CANX: variants seen among roughly 807,000 people sequenced by gnomAD.
CANX encodes the protein calnexin.
In CANX, 14 loss-of-function variants were observed where a neutral mutation model predicts 75.7. The observed-to-expected ratio is 0.19, with a 90% confidence interval of 0.12 to 0.29. The LOEUF is 0.29. Ranked by LOEUF, CANX falls within the 10% of genes least tolerant of loss-of-function variation. The probability of loss-of-function intolerance (pLI) is 1.00; values close to 1 mark genes in which losing one functional copy is unlikely to be tolerated. For synonymous variants in CANX, 227 were observed against 236.9 expected (o/e 0.96, Z 0.38); for missense variants, 567 against 713.2 (o/e 0.79, Z 2.34).
Position 179,727,939 on chromosome 5 carries a change from C to G in CANX, c.1726-652C>G, listed in dbSNP as rs540682688. Among the ~76,000 whole-genome samples, 15 of 152,254 alleles carry G rather than the reference C, an allele frequency of 9.9e-5. No homozygotes were observed. In the South Asian group the frequency reaches 3.1e-3, roughly 32 times the overall value. On this transcript the variant is annotated intron_variant, in intron 14 of 14. Transcript: ENST00000247461. ...CTCTGTGTCTAAATCTGGTCTCTCC[C>G]GGAAAGCTCTCCTCAGGTTTTACTT... is the stretch of plus-strand genomic sequence containing the variant.
intron 3 of CANX, among the ~76,000 whole-genome samples, chr5:179,706,571 G>A (rs1351296278): frequency 6.6e-6 from 1 of 152,158 alleles, no homozygotes; most frequent in Non-Finnish European, 1.5e-5. Context: ...AGCTTCCCAA[G>A]TAGCTGGGAT....
At chr5:179,688,186 T>G (rs1011028134) in intron 1 of CANX, among the ~76,000 whole-genome samples, 1 of 146,402 alleles carries the variant, frequency 6.8e-6, no homozygotes, top group Non-Finnish European at 1.5e-5. Flanking sequence ...GCCTCCCGAG[T>G]AGCTGGGACT....
intron 1 of CANX, among the ~76,000 whole-genome samples, chr5:179,692,714 C>T (rs528481163): frequency 1.1e-4 from 17 of 152,010 alleles, no homozygotes; most frequent in Non-Finnish European, 2.4e-4. Context: ...TAGGGTTTTG[C>T]CATGTTGCCC....
At position 179,679,135 on chromosome 5, in the gene CANX, T is replaced by G. The variant is rs1380839783; in HGVS notation, c.-4+358T>G. On this transcript the variant is annotated intron_variant, in intron 1 of 14. Coordinates refer to the CANX transcript ENST00000681674. ...GGCTCGTAGCCGAGCACTCGAAGGT[T>G]GCCAGGGCGTGGACCTTGTAGGGCA... 8 of 1,535,650 alleles carry G rather than the reference T, an allele frequency of 5.2e-6. No homozygotes were observed. In the East Asian group the frequency reaches 2.0e-4, roughly 38 times the overall value.
At chr5:179,727,953 C>T (rs1407709443) in intron 14 of CANX, among the ~76,000 whole-genome samples, 1 of 152,180 alleles carries the variant, frequency 6.6e-6, no homozygotes, top group African/African-American at 2.4e-5. Context: ...AAGCTCTCCT[C>T]AGGTTTTACT....
chr5:179,702,895 G>A (rs1776864334), intron 1 of CANX, among the ~76,000 whole-genome samples: 1 of 152,088 alleles, frequency 6.6e-6, no homozygotes, highest in African/African-American at 2.4e-5. Flanking sequence ...TCAGCCTCCT[G>A]AGTAACTGGG....
chr5:179,694,855 A>G (rs1351326253), upstream of CANX: 1 of 411,818 alleles, frequency 2.4e-6, no homozygotes, highest in South Asian at 2.5e-5. Flanking sequence ...TTCTCCTTCA[A>G]GCAAAAGGTA....
chr5:179,713,826 G>A (rs1055722114), intron 7 of CANX, among the ~76,000 whole-genome samples: 2 of 152,082 alleles, frequency 1.3e-5, no homozygotes, highest in African/African-American at 4.8e-5. Context: ...TGGTATAAAA[G>A]GATCCCTTGA....
intron 7 of CANX, among the ~76,000 whole-genome samples, chr5:179,710,490 A>T (rs1777469255): frequency 6.8e-6 from 1 of 147,870 alleles, no homozygotes. Context: ...GGTGGATCAC[A>T]AGGTCAGGAG....
At chr5:179,679,957 CCTTTT>C (rs1776017445) in intron 1 of CANX, among the ~76,000 whole-genome samples, 1 of 112,886 alleles carries the variant, frequency 8.9e-6, no homozygotes, top group African/African-American at 3.3e-5. Context: ...CTGCGCCTGG[CCTTTT>C]TTTTTTTTTT....
intron 7 of CANX, among the ~76,000 whole-genome samples, chr5:179,712,734 AT>A (rs918950543): frequency 4.1e-5 from 6 of 147,876 alleles, no homozygotes; most frequent in Admixed American, 3.4e-4. Flanking sequence ...TACCTTTTTA[AT>A]TTTTTTGAGG....
At chr5:179,706,029 G>T (rs376639174) in intron 2 of CANX, among the ~76,000 whole-genome samples, 177 bp downstream of exon 2, 77 of 152,172 alleles carry the variant, frequency 5.1e-4, no homozygotes, top group African/African-American at 1.8e-3. Context: ...AGAAAAACAT[G>T]GTGAAGATAA....
chr5:179,712,521 C>A (rs1161555817), intron 7 of CANX, among the ~76,000 whole-genome samples: 2 of 151,680 alleles, frequency 1.3e-5, no homozygotes, highest in African/African-American at 4.8e-5. Context: ...TGCATTCAAG[C>A]GATTCTCCTG....
intron 1 of CANX, among the ~76,000 whole-genome samples, chr5:179,685,167 C>T (rs907556579): frequency 6.6e-6 from 1 of 152,040 alleles, no homozygotes; most frequent in Admixed American, 6.6e-5. Flanking sequence ...GGCGCAACCT[C>T]GGGTCACTGC....
intron 6 of CANX, 112 bp from the exon 7 acceptor site, chr5:179,709,761 T>C (rs1371560499): frequency 1.5e-6 from 1 of 651,714 alleles, no homozygotes; most frequent in African/African-American, 1.9e-5. Flanking sequence ...TTCCTTTAAC[T>C]GTCACTAATA....
upstream of CANX, chr5:179,694,660 C>T: frequency 1.3e-6 from 1 of 776,336 alleles, no homozygotes. Flanking sequence ...GTTGCTGATT[C>T]TAAGTCGAAA....
chr5:179,689,825 G>T (rs1030552279), intron 1 of CANX, among the ~76,000 whole-genome samples: 1 of 152,088 alleles, frequency 6.6e-6, no homozygotes, highest in African/African-American at 2.4e-5. Context: ...TTCACAAGAA[G>T]ACCTTGATTT....
intron 11 of CANX, 33 bp from the exon 12 acceptor site, chr5:179,723,627 G>A (rs1240847489): frequency 3.1e-6 from 5 of 1,606,520 alleles, no homozygotes; most frequent in Non-Finnish European, 4.2e-6. Context: ...GTCAAAAGCT[G>A]GAACTTTCAA....
chr5:179,730,276 T>A lies in CANX; in HGVS notation c.*1632T>A, dbSNP rs183513154. ...TTGTAAAAGATGAAGGCTGTATCTA[T>A]TTTTTTTTCTTTTTAAAGTTTGTTC... On this transcript the variant is annotated 3_prime_UTR_variant, in exon 15 of 15. Transcript: ENST00000247461. The A allele has an allele frequency of 7.4e-6, 1 of 134,422 alleles. No homozygotes were observed. Among genetic ancestry groups the A allele is most frequent in the Non-Finnish European group, 1.7e-5 (1 of 60,396 alleles). The allele number at this position is 134,422 out of a possible 1,614,324, so 8.3% of individuals were successfully genotyped here. A position where few individuals can be genotyped will look rare whatever the true frequency, so the allele number is the denominator to read the frequency against.
Sources: gnomAD v4.1 joint callset for allele counts (sites outside exome capture counted in the v4.1 genomes callset) on GRCh38, gnomAD v4.1.1 for gene constraint, MANE v1.5 for transcripts, NCBI Gene and HGNC (gene_info 2026-07-23, HGNC 2026-07-21) for gene names.